The following ANKRD11 variants were observed in gnomAD, a reference collection of about 807,000 sequenced individuals.
ANKRD11 encodes ankyrin repeat domain-containing protein 11.
In ANKRD11, 17 loss-of-function variants were observed where a neutral mutation model predicts 195.7. That is an observed-to-expected ratio of 0.09 (90% confidence interval 0.06 to 0.13). The LOEUF (loss-of-function observed/expected upper bound fraction) is 0.13, where lower values mean the gene tolerates loss of function less well. Among genes scored for constraint, ANKRD11 ranks in the 10% least tolerant of loss-of-function variants. The pLI, the probability that ANKRD11 is intolerant of heterozygous loss-of-function variation, is 1.00. For synonymous variants in ANKRD11, 1,953 were observed against 1,528.1 expected (o/e 1.28, Z -6.49); for missense variants, 3,735 against 3,566.1 (o/e 1.05, Z -1.21).
chr16:89,484,821 C>T (rs2057551731), intron 1 of ANKRD11, among the ~76,000 whole-genome samples: 2 of 152,118 alleles, frequency 1.3e-5, no homozygotes. Context: ...AAAAAGCCAA[C>T]ATTTTCAAAT....
At chr16:89,286,238 C>A (rs770642335) in intron 7 of ANKRD11, 52 bp from the exon 8 acceptor site, 5 of 1,603,624 alleles carry the variant, frequency 3.1e-6, no homozygotes, top group Non-Finnish European at 4.2e-6. Context: ...CACAACTCCT[C>A]TACCGTTCCG....
intron 2 of ANKRD11, among the ~76,000 whole-genome samples, chr16:89,409,507 G>A (rs564998004): frequency 5.0e-4 from 76 of 152,324 alleles, no homozygotes; most frequent in Admixed American, 9.8e-4. Context: ...GAGCAAGACA[G>A]CTAGCTTTTC....
chr16:89,280,168 G>C lies in ANKRD11; in HGVS notation c.6374C>G (p.Ala2125Gly), dbSNP rs753162681. ...CAGGTCCAGGTCGTCCTCGGGGCCG[G>C]CGAAGGCGTCCGCCCAGGGCACCGG... ...VEPVPWADAF[A>G]GPEDDLDLGP... The change falls in exon 9 of 13, where the codon GCC becomes GGC. Residue 2125 changes from alanine (A) to glycine (G), a missense_variant. Physicochemically the swap from Ala to Gly is moderately conservative, Grantham distance 60 (BLOSUM62 0). Transcript: ENST00000301030. 1.2e-6 allele frequency: 2 copies of C among 1,609,678 alleles called. No individual in the cohort carries two copies. Among genetic ancestry groups the C allele is most frequent in the Non-Finnish European group, 1.7e-6 (2 of 1,178,922 alleles).
Position 89,390,995 on chromosome 16 carries a change from G to A in ANKRD11, c.-60+27289C>T, listed in dbSNP as rs560070906. On this transcript the variant is annotated intron_variant, in intron 2 of 12. Coordinates refer to ENST00000301030, the MANE Select transcript of ANKRD11 (RefSeq NM_013275.6). ...TGTAATCACAGCATTTTGGGAGGCC[G>A]AGGTGGGTGGATCACGAGGTCAGGA... Among the ~76,000 whole-genome samples, 5 of 152,230 alleles carry A rather than the reference G, an allele frequency of 3.3e-5. No homozygotes were observed. The East Asian group carries it at 9.7e-4, about 29-fold the overall frequency.
At chr16:89,376,525 C>T (rs1567719091) in intron 2 of ANKRD11, among the ~76,000 whole-genome samples, 1 of 152,222 alleles carries the variant, frequency 6.6e-6, no homozygotes, top group African/African-American at 2.4e-5. Context: ...GCAACTTCCA[C>T]CTGCTGGGTT....
chr16:89,430,632 A>G (rs1481004436), intron 1 of ANKRD11, among the ~76,000 whole-genome samples: 1 of 152,250 alleles, frequency 6.6e-6, no homozygotes, highest in Non-Finnish European at 1.5e-5. Context: ...AAAGGTCAAC[A>G]AACGCCCCTT....
intron 12 of ANKRD11, chr16:89,270,391 C>T: frequency 3.4e-6 from 1 of 296,494 alleles, no homozygotes; most frequent in Non-Finnish European, 6.7e-6. Context: ...TCCAGGGTGT[C>T]CCGGTGAGCA....
intron 2 of ANKRD11, among the ~76,000 whole-genome samples, chr16:89,354,739 G>A (rs2039391329): frequency 6.6e-6 from 1 of 152,106 alleles, no homozygotes; most frequent in African/African-American, 2.4e-5. Context: ...GAAATTAGCC[G>A]GGCATGGTGG....
intron 1 of ANKRD11, among the ~76,000 whole-genome samples, chr16:89,454,168 G>A (rs574545621): frequency 2.0e-5 from 3 of 152,104 alleles, no homozygotes; most frequent in African/African-American, 7.2e-5. Context: ...AACGACAGCC[G>A]CGCCACAACC....
chr16:89,402,815 G>A (rs2041753290), intron 2 of ANKRD11, among the ~76,000 whole-genome samples: 2 of 147,312 alleles, frequency 1.4e-5, no homozygotes, highest in African/African-American at 5.1e-5. Flanking sequence ...TGCGGAATGA[G>A]GTTGGGGGGG....
At chr16:89,317,220 G>A (rs1263377451) in intron 2 of ANKRD11, 142 bp from the exon 3 acceptor site, 6 of 686,570 alleles carry the variant, frequency 8.7e-6, no homozygotes, top group South Asian at 4.9e-5. Context: ...CCAGGCCCAG[G>A]AAGGGACTTC....
chr16:89,332,834 C>T (rs546654111), intron 2 of ANKRD11, among the ~76,000 whole-genome samples: 14 of 152,356 alleles, frequency 9.2e-5, no homozygotes, highest in South Asian at 6.2e-4. Flanking sequence ...CCCTTAGAAA[C>T]GTCCATTTCT....
chr16:89,485,475 CAG>C (rs529991870), intron 1 of ANKRD11, among the ~76,000 whole-genome samples: 45 of 152,238 alleles, frequency 3.0e-4, no homozygotes, highest in African/African-American at 1.1e-3. Context: ...GCCTAGGTGA[CAG>C]AGACTCTGTC....
chr16:89,326,057 G>C (rs2037698702), intron 2 of ANKRD11, among the ~76,000 whole-genome samples: 1 of 152,236 alleles, frequency 6.6e-6, no homozygotes, highest in Non-Finnish European at 1.5e-5. Context: ...AGACGAAGGG[G>C]AGGAGGAGCA....
rs565960089 is a variant in ANKRD11, at chr16:89,280,571, G to A, written c.5971C>T (p.Pro1991Ser). 1 of 1,613,356 alleles carries A rather than the reference G, an allele frequency of 6.2e-7. No individual in the cohort carries two copies. Among genetic ancestry groups the A allele is most frequent in the South Asian group, 1.1e-5 (1 of 91,086 alleles). The change falls in exon 9 of 13, where the codon CCA becomes TCA. Residue 1991 changes from proline to serine, a missense_variant. Physicochemically the swap from Pro to Ser is moderately conservative, Grantham distance 74 (BLOSUM62 -1). Coordinates refer to ENST00000301030, the MANE Select transcript of ANKRD11 (RefSeq NM_013275.6). The part of the protein sequence containing the change: ...LKSPQRFPES[P>S]KRFCPADPLH... ...GGGTCCGCGGGGCAGAAACGCTTTG[G>A]GGACTCGGGGAATCTCTGTGGAGAC...
intron 6 of ANKRD11, among the ~76,000 whole-genome samples, chr16:89,289,656 C>T (rs562267675): frequency 2.0e-5 from 3 of 152,282 alleles, no homozygotes; most frequent in African/African-American, 7.2e-5. Flanking sequence ...AGAATGCAGC[C>T]ATGTGCTAGA....
At chr16:89,399,016 C>G (rs1193959864) in intron 2 of ANKRD11, among the ~76,000 whole-genome samples, 1 of 152,174 alleles carries the variant, frequency 6.6e-6, no homozygotes, top group African/African-American at 2.4e-5. Context: ...TTAACAAGCT[C>G]CATGCTCTGT....
chr16:89,293,339 G>C (rs2035187857), intron 4 of ANKRD11, among the ~76,000 whole-genome samples: 1 of 152,170 alleles, frequency 6.6e-6, no homozygotes, highest in African/African-American at 2.4e-5. Flanking sequence ...TGAAAAGCGA[G>C]TGGGCCCCAC....
At chr16:89,393,948 G>C (rs1310944958) in intron 2 of ANKRD11, among the ~76,000 whole-genome samples, 1 of 152,178 alleles carries the variant, frequency 6.6e-6, no homozygotes, top group East Asian at 1.9e-4. Flanking sequence ...GTTTACTTGT[G>C]AGGGCTACGA....
Sources: gnomAD v4.1 joint callset for allele counts (sites outside exome capture counted in the v4.1 genomes callset) on GRCh38, gnomAD v4.1.1 for gene constraint, MANE v1.5 for transcripts, NCBI Gene and HGNC (gene_info 2026-07-23, HGNC 2026-07-21) for gene names.